Variants in AHCY observed in about 807,000 individuals in gnomAD.
AHCY encodes adenosylhomocysteinase, also known as S-adenosyl-L-homocysteine hydrolase.
Under a neutral mutation model 45.4 loss-of-function variants are expected in AHCY, and 24 were observed. That is an observed-to-expected ratio of 0.53 (90% CI 0.38 to 0.74). AHCY has a LOEUF of 0.74. AHCY is among the 30% of genes least tolerant of loss of function. The pLI, the probability that AHCY is intolerant of heterozygous loss-of-function variation, is 0.00. For missense variants in AHCY, 449 were observed against 594.1 expected (o/e 0.76, Z 2.54); for synonymous variants, 245 against 235.1 (o/e 1.04, Z -0.39).
At chr20:34,291,037 G>T in intron 5 of AHCY, 99 bp from the exon 6 acceptor site, 10 of 1,197,044 alleles carry the variant, frequency 8.4e-6, no homozygotes, top group Non-Finnish European at 1.2e-5. Context: ...GGCATCATGG[G>T]CCCACCAAGC....
At chr20:34,238,562 GT>G in the AHCY span, among the ~76,000 whole-genome samples, 1 of 151,616 alleles carries the variant, frequency 6.6e-6, no homozygotes, top group African/African-American at 2.4e-5. Context: ...GCTTGTACTT[GT>G]TTTTTTCACT....
At chr20:34,234,183 C>T in the AHCY span, among the ~76,000 whole-genome samples, 3 of 152,224 alleles carry the variant, frequency 2.0e-5, no homozygotes, top group African/African-American at 7.2e-5. Flanking sequence ...TGAGCCCTTA[C>T]CATGCACACC....
In AHCY at chr20:34,281,181, G is replaced by A. The variant is rs776065604; in HGVS notation, c.1168-16C>T. On this transcript the variant is annotated splice_polypyrimidine_tract_variant and intron_variant, in intron 9 of 9. Transcript: ENST00000217426. ...CCTCATCCAGCTGGGGAGAAACAAAGGAAGACCGGGAATCAGTGCCATTTT... is the reference window on the plus strand; with the variant it reads ...CCTCATCCAGCTGGGGAGAAACAAAAGAAGACCGGGAATCAGTGCCATTTT... 3.1e-6 allele frequency: 5 copies of A among 1,612,090 alleles called. No homozygotes were observed. Among genetic ancestry groups the A allele is most frequent in the Admixed American group, 3.3e-5 (2 of 59,992 alleles).
At chr20:34,304,207 T>C (rs2036866135), upstream of AHCY, among the ~76,000 whole-genome samples, 1 of 152,252 alleles carries the variant, frequency 6.6e-6, no homozygotes, top group Non-Finnish European at 1.5e-5. Flanking sequence ...CTTGCTTTTT[T>C]CTGTGAGCAT....
At chr20:34,291,928 C>T (rs377408770) in intron 4 of AHCY, among the ~76,000 whole-genome samples, 1 of 152,254 alleles carries the variant, frequency 6.6e-6, no homozygotes, top group Non-Finnish European at 1.5e-5. Context: ...AGGTCAAACA[C>T]TTTTCTATTG....
At chr20:34,262,061 C>T in the AHCY span, among the ~76,000 whole-genome samples, 4 of 151,350 alleles carry the variant, frequency 2.6e-5, no homozygotes, top group East Asian at 3.9e-4. Flanking sequence ...CACAGTGAGC[C>T]GAGATCGCAC....
At chr20:34,251,447 G>A in the AHCY span, among the ~76,000 whole-genome samples, 4 of 151,250 alleles carry the variant, frequency 2.6e-5, no homozygotes, top group African/African-American at 7.3e-5. Context: ...ATTTTTTTTT[G>A]TATTTTTTAA....
chr20:34,258,609 T>C, the AHCY span, among the ~76,000 whole-genome samples: 224 of 130,240 alleles, frequency 1.7e-3, no homozygotes, highest in Middle Eastern at 0.01. Context: ...TGAGAAAATA[T>C]AAAGCTGGAA....
the AHCY span, among the ~76,000 whole-genome samples, chr20:34,256,195 T>G: frequency 6.6e-6 from 1 of 152,232 alleles, no homozygotes; most frequent in African/African-American, 2.4e-5. Context: ...TCCTGTCTGG[T>G]GGACACGTGA....
the AHCY span, among the ~76,000 whole-genome samples, chr20:34,239,213 C>T: frequency 1.3e-5 from 2 of 152,016 alleles, no homozygotes; most frequent in African/African-American, 4.8e-5. Context: ...TCCTCTTCTC[C>T]TCCCAACCCC....
chr20:34,236,181 A>C, the AHCY span, among the ~76,000 whole-genome samples: 1 of 152,126 alleles, frequency 6.6e-6, no homozygotes, highest in African/African-American at 2.4e-5. Context: ...AGAAAGAAAG[A>C]AAAGGCTAAA....
Position 34,292,500 on chromosome 20 carries a change from G to T in AHCY, c.303C>A (p.Ala101=), listed in dbSNP as rs752121128. 1 of 1,614,050 alleles carries T rather than the reference G, an allele frequency of 6.2e-7. No homozygotes were observed. The highest frequency in any genetic ancestry group is 2.2e-5 in the East Asian group (1 of 44,884). Residue 101 remains alanine (A), a synonymous_variant, in exon 4 of 10, where the codon GCC becomes GCA. Coordinates refer to ENST00000217426, the MANE Select transcript of AHCY (RefSeq NM_000687.4). ...AIAKAGIPVY[A]WKGETDEEYL... is the part of the protein sequence containing the mutation. ...ACTCCTCGTCCGTTTCGCCCTTCCA[G>T]GCATACACTGGAGGGTGAGTGGCAC... is the stretch of plus-strand genomic sequence containing the variant.
the AHCY span, among the ~76,000 whole-genome samples, chr20:34,240,149 G>A: frequency 6.6e-6 from 1 of 152,108 alleles, no homozygotes; most frequent in African/African-American, 2.4e-5. Flanking sequence ...TGGAAAGAAG[G>A]GAAAAAAAGA....
chr20:34,284,066 A>C (rs1230932138), intron 9 of AHCY, among the ~76,000 whole-genome samples: 1 of 152,220 alleles, frequency 6.6e-6, no homozygotes, highest in Non-Finnish European at 1.5e-5. Flanking sequence ...GGTGGACTGC[A>C]TGGGGTGTTA....
At chr20:34,250,726 G>C in the AHCY span, among the ~76,000 whole-genome samples, 1 of 152,130 alleles carries the variant, frequency 6.6e-6, no homozygotes, top group South Asian at 2.1e-4. Context: ...GAACCCGGGA[G>C]GTGGAGGTGC....
the AHCY span, among the ~76,000 whole-genome samples, chr20:34,265,804 G>C: frequency 1.3e-5 from 2 of 151,932 alleles, no homozygotes; most frequent in Admixed American, 1.3e-4. Flanking sequence ...ACAAAAATTA[G>C]CTGGGTATGG....
upstream of AHCY, among the ~76,000 whole-genome samples, chr20:34,305,109 A>G (rs2036880767): frequency 6.6e-6 from 1 of 150,488 alleles, no homozygotes; most frequent in Non-Finnish European, 1.5e-5. Flanking sequence ...GGGTCAGGAA[A>G]TCGAGACCAT....
At chr20:34,255,670 C>T in the AHCY span, among the ~76,000 whole-genome samples, 23 of 152,106 alleles carry the variant, frequency 1.5e-4, no homozygotes, top group African/African-American at 5.6e-4. Flanking sequence ...TAGGAAAAAC[C>T]AGGCCATACA....
chr20:34,236,382 A>G, the AHCY span, among the ~76,000 whole-genome samples: 1 of 152,160 alleles, frequency 6.6e-6, no homozygotes, highest in Non-Finnish European at 1.5e-5. Flanking sequence ...TCTACTAAAA[A>G]TACACAAAAA....
Sources: allele counts gnomAD v4.1 joint callset (sites outside exome capture counted in the v4.1 genomes callset), GRCh38; gene constraint gnomAD v4.1.1; transcripts MANE v1.5; gene names NCBI Gene and HGNC (gene_info 2026-07-23, HGNC 2026-07-21).